PKP4: variants seen among roughly 807,000 people sequenced by gnomAD.
PKP4 encodes the protein plakophilin 4.
A neutral mutation model predicts 145.1 loss-of-function variants in PKP4; 90 were observed. The ratio of observed to expected loss-of-function variants is 0.62; its 90% CI spans 0.52 to 0.74. The LOEUF is 0.74. Among genes scored for constraint, PKP4 ranks in the 30% least tolerant of loss-of-function variants. The probability of loss-of-function intolerance (pLI) is 0.00; values close to 1 mark genes in which losing one functional copy is unlikely to be tolerated. For missense variants in PKP4, 1,340 were observed against 1,482.7 expected (o/e 0.90, Z 1.58); for synonymous variants, 563 against 577.2 (o/e 0.98, Z 0.35).
At chr2:158,561,504 C>CA (rs1462187138) in intron 2 of PKP4, among the ~76,000 whole-genome samples, 5 of 152,204 alleles carry the variant, frequency 3.3e-5, no homozygotes, top group Non-Finnish European at 7.4e-5. Flanking sequence ...TGTTTATGTT[C>CA]ACTGACTTTC....
Position 158,569,656 on chromosome 2 carries a change from T to C in PKP4, c.133-7615T>C, listed in dbSNP as rs1174569471. Among the ~76,000 whole-genome samples the C allele has an allele frequency of 2.6e-5, 4 of 152,194 alleles. No homozygotes were observed. In the East Asian group the frequency reaches 7.7e-4, roughly 29 times the overall value. On this transcript the variant is annotated intron_variant, in intron 2 of 21. Transcript: ENST00000389759. Reference sequence around the variant, plus strand: ...CTTCCCTAAATACAACAAATAAACTTTTTTTTCAGTGTTGCCTAAGTTGTG... The same window carrying C: ...CTTCCCTAAATACAACAAATAAACTCTTTTTTCAGTGTTGCCTAAGTTGTG...
At chr2:158,676,911 G>A (rs201437470) in intron 20 of PKP4, 44 bp downstream of exon 20, 42 of 1,612,480 alleles carry the variant, frequency 2.6e-5, no homozygotes, top group Middle Eastern at 1.7e-4. Flanking sequence ...TTGAAAAGCC[G>A]CATTTCCAGG....
At chr2:158,503,355 C>T (rs1696864350) in intron 1 of PKP4, among the ~76,000 whole-genome samples, 1 of 152,186 alleles carries the variant, frequency 6.6e-6, no homozygotes, top group South Asian at 2.1e-4. Flanking sequence ...AATTTCCTCC[C>T]TCACCTAAGA....
chr2:158,529,080 A>G (rs560766795), intron 1 of PKP4, among the ~76,000 whole-genome samples: 1 of 152,224 alleles, frequency 6.6e-6, no homozygotes, highest in East Asian at 1.9e-4. Flanking sequence ...GACTCTGATT[A>G]AAGATCTCTC....
At position 158,497,303 on chromosome 2, in the gene PKP4, A is replaced by T. The variant is rs142958467; in HGVS notation, c.-5-35877A>T. On this transcript the variant is annotated intron_variant, in intron 1 of 21. Transcript: ENST00000389759. ...AACAATACTTTCAGTGTTACGCAGT[A>T]TTTGCATTTGTATTTGCATTTTGAG... is the stretch of plus-strand genomic sequence containing the variant. 6.9e-5 allele frequency among the ~76,000 whole-genome samples: 10 copies of T among 144,056 alleles called. No homozygotes were observed. In the East Asian group the frequency reaches 2.0e-3, roughly 28 times the overall value. 94.5% of individuals were successfully genotyped at this position (144,056 alleles called of 152,430 possible).
At chr2:158,557,901 A>C (rs984988030) in intron 2 of PKP4, among the ~76,000 whole-genome samples, 1 of 152,178 alleles carries the variant, frequency 6.6e-6, no homozygotes, top group South Asian at 2.1e-4. Flanking sequence ...GTGTACCTTG[A>C]GGTGATTGTG....
chr2:158,603,233 G>A (rs369002133), intron 4 of PKP4, 129 bp downstream of exon 4: 1 of 489,034 alleles, frequency 2.0e-6, no homozygotes, highest in African/African-American at 2.0e-5. Flanking sequence ...GCGCTACATT[G>A]CTTTGGAATA....
Position 158,663,282 on chromosome 2 carries a change from T to C in PKP4, c.2414T>C (p.Val805Ala). 1 of 1,612,988 alleles carries C rather than the reference T, an allele frequency of 6.2e-7. No individual in the cohort carries two copies. The highest frequency in any genetic ancestry group is 8.5e-7 in the Non-Finnish European group (1 of 1,179,592). The stretch of plus-strand genomic sequence containing the variant: ...CTGTTTGTCTTTCAGTGGGATGGAG[T>C]TGGTCCTATCCCAGGACTGTCGAAG... The part of the protein sequence containing the change: ...RTPQEDQWDG[V>A]GPIPGLSKSP... The change falls in exon 15 of 22, where the codon GTT becomes GCT. Residue 805 changes from valine to alanine, a missense_variant. Physicochemically the swap from Val to Ala is moderately conservative, Grantham distance 64. Transcript: ENST00000389759.
chr2:158,470,773 G>A, intron 1 of PKP4, among the ~76,000 whole-genome samples: 1 of 152,178 alleles, frequency 6.6e-6, no homozygotes, highest in Non-Finnish European at 1.5e-5. Context: ...GCATCAGTCA[G>A]GTGGTGAATT....
intron 12 of PKP4, chr2:158,659,504 AAGAC>A (rs1456459426): frequency 6.6e-6 from 1 of 152,308 alleles, no homozygotes; most frequent in African/African-American, 2.4e-5. Context: ...TTCTACCAGG[AAGAC>A]AGACAAACAA....
At chr2:158,486,328 A>G (rs528269372) in intron 1 of PKP4, among the ~76,000 whole-genome samples, 6 of 152,358 alleles carry the variant, frequency 3.9e-5, no homozygotes, top group African/African-American at 1.4e-4. Context: ...TAGAGTAATA[A>G]ATCATGTTGA....
At chr2:158,592,719 G>A (rs1030962702) in intron 3 of PKP4, among the ~76,000 whole-genome samples, 1 of 152,238 alleles carries the variant, frequency 6.6e-6, no homozygotes, top group South Asian at 2.1e-4. Context: ...AGAATTCTCT[G>A]TGTAAATGAT....
At chr2:158,511,356 A>G (rs1034690748) in intron 1 of PKP4, among the ~76,000 whole-genome samples, 7 of 152,154 alleles carry the variant, frequency 4.6e-5, no homozygotes, top group Non-Finnish European at 1.0e-4. Context: ...ACTGTACTCC[A>G]GCCTCGGGGG....
chr2:158,533,911 T>C lies in PKP4; in HGVS notation c.132+595T>C, dbSNP rs756327205. ...AAGTAACCTCCTATATTAGGTCTTA[T>C]CAGTTGTGCTTAGAGAAATTGGAAT... On this transcript the variant is annotated intron_variant, in intron 2 of 21. Coordinates refer to ENST00000389759, the MANE Select transcript of PKP4 (RefSeq NM_003628.6). 9.2e-5 allele frequency among the ~76,000 whole-genome samples: 14 copies of C among 152,190 alleles called. No homozygotes were observed. In the South Asian group the frequency reaches 1.0e-3, roughly 11 times the overall value.
intron 2 of PKP4, among the ~76,000 whole-genome samples, chr2:158,567,188 A>G (rs1300144860): frequency 2.0e-5 from 3 of 152,200 alleles, no homozygotes; most frequent in African/African-American, 7.2e-5. Context: ...CTCTTCTTTA[A>G]GAGGAGTCCT....
rs149676324 is a variant in PKP4 at position 158,497,889 on chromosome 2, G to A, written c.-5-35291G>A. Among the ~76,000 whole-genome samples, 1,342 of 152,232 alleles carry A rather than the reference G, an allele frequency of 8.8e-3. 18 individuals are homozygous for A. The highest frequency in any genetic ancestry group is 0.03 in the African/African-American group (1,232 of 41,532). On this transcript the variant is annotated intron_variant, in intron 1 of 21. Coordinates refer to ENST00000389759, the MANE Select transcript of PKP4 (RefSeq NM_003628.6). ...AATCCCAGTAAATGTTGCCTGTTCG[G>A]TATACAGTCAAAATCTCCCAAAACA...
intron 1 of PKP4, among the ~76,000 whole-genome samples, chr2:158,516,565 TC>T (rs1402592895): frequency 6.6e-6 from 1 of 151,818 alleles, no homozygotes; most frequent in African/African-American, 2.4e-5. Context: ...ACTGAAAAAA[TC>T]ATTTAGCTAG....
chr2:158,608,912 C>CT (rs2050889311), intron 4 of PKP4, among the ~76,000 whole-genome samples: 1 of 137,376 alleles, frequency 7.3e-6, no homozygotes, highest in Non-Finnish European at 1.5e-5. Context: ...CTCCTGGGTT[C>CT]AAGAGATTCT....
At chr2:158,462,377 G>GA (rs59142992) in intron 1 of PKP4, among the ~76,000 whole-genome samples, 148,454 of 149,182 alleles carry the variant, frequency 1, 73,873 homozygotes, top group Middle Eastern at 1. Flanking sequence ...TTTTTCTTAA[G>GA]AAAAAAAAAA....
Sources: allele counts gnomAD v4.1 joint callset (sites outside exome capture counted in the v4.1 genomes callset), GRCh38; gene constraint gnomAD v4.1.1; transcripts MANE v1.5; gene names NCBI Gene and HGNC (gene_info 2026-07-23, HGNC 2026-07-21).